Variants in FAM227B observed in about 807,000 individuals in gnomAD.
The protein encoded by FAM227B is protein FAM227B.
A neutral mutation model predicts 73.8 loss-of-function variants in FAM227B; 88 were observed. That is an observed-to-expected ratio of 1.19 (90% CI 1.00 to 1.42). The LOEUF is 1.42. Among genes scored for constraint, FAM227B ranks in the 40% most tolerant of loss-of-function variants. FAM227B has a pLI of 0.00. For missense variants in FAM227B, 632 were observed against 590.9 expected (o/e 1.07, Z -0.72); for synonymous variants, 210 against 190.5 (o/e 1.10, Z -0.84).
chr15:49,573,945 A>T (rs2075285055), intron 8 of FAM227B, among the ~76,000 whole-genome samples: 1 of 152,124 alleles, frequency 6.6e-6, no homozygotes, highest in Non-Finnish European at 1.5e-5. Context: ...TGTGTTTTGA[A>T]GCATTTTTAT....
At chr15:49,330,186 A>G (rs1205972316) in intron 15 of FAM227B, 2 of 152,262 alleles carry the variant, frequency 1.3e-5, no homozygotes, top group Admixed American at 1.3e-4. Flanking sequence ...GCCTATGGGT[A>G]TAGGCAAACA....
chr15:49,560,275 T>G (rs934597088), intron 9 of FAM227B, among the ~76,000 whole-genome samples: 1 of 151,906 alleles, frequency 6.6e-6, no homozygotes, highest in Admixed American at 6.6e-5. Flanking sequence ...GAAGAAAAAT[T>G]TTCAGAGCTT....
At chr15:49,463,015 A>C (rs1374568334) in intron 11 of FAM227B, among the ~76,000 whole-genome samples, 1 of 152,200 alleles carries the variant, frequency 6.6e-6, no homozygotes, top group East Asian at 1.9e-4. Flanking sequence ...TTTGTGTCTT[A>C]AATCACTCAA....
chr15:49,435,432 G>C (rs77313521), intron 11 of FAM227B, among the ~76,000 whole-genome samples: 3,512 of 151,720 alleles, frequency 0.023, 88 homozygotes, highest in South Asian at 0.13. Context: ...ACACTCAGTA[G>C]TCAAGCAGCT....
chr15:49,604,884 TTC>T (rs1282075912), intron 3 of FAM227B, among the ~76,000 whole-genome samples: 4 of 152,054 alleles, frequency 2.6e-5, no homozygotes, highest in Non-Finnish European at 5.9e-5. Context: ...CTCCCAGAAT[TTC>T]TGTGTGTGGA....
intron 9 of FAM227B, among the ~76,000 whole-genome samples, chr15:49,550,233 C>A (rs1375956695): frequency 7.1e-6 from 1 of 141,732 alleles, no homozygotes; most frequent in African/African-American, 2.6e-5. Context: ...CCCTCCCTGA[C>A]GGGGCGGCTG....
intron 13 of FAM227B, among the ~76,000 whole-genome samples, chr15:49,355,066 C>T (rs1234809465): frequency 6.6e-6 from 1 of 150,600 alleles, no homozygotes. Context: ...ACAGAAAGGA[C>T]ATCCACACCA....
chr15:49,619,085 AG>A (rs1478488804), intron 1 of FAM227B, among the ~76,000 whole-genome samples: 1 of 152,216 alleles, frequency 6.6e-6, no homozygotes, highest in East Asian at 1.9e-4. Flanking sequence ...AGAAGGCAGC[AG>A]AACCATTAAA....
At chr15:49,577,496 T>G in intron 6 of FAM227B, 133 bp downstream of exon 6, 1 of 556,952 alleles carries the variant, frequency 1.8e-6, no homozygotes, top group Non-Finnish European at 3.2e-6. Context: ...AGAAAGCTTC[T>G]ATACCTGTTT....
At chr15:49,597,256 A>G (rs1047077031) in intron 3 of FAM227B, among the ~76,000 whole-genome samples, 2 of 152,068 alleles carry the variant, frequency 1.3e-5, no homozygotes, top group Non-Finnish European at 2.9e-5. Context: ...AAGAAAATCA[A>G]AATTACATAA....
At chr15:49,481,888 T>G (rs889518785) in intron 11 of FAM227B, among the ~76,000 whole-genome samples, 1 of 152,114 alleles carries the variant, frequency 6.6e-6, no homozygotes, top group African/African-American at 2.4e-5. Context: ...ATGCAACATA[T>G]ATGTGAGGCA....
chr15:49,608,834 C>A (rs1285223917), intron 3 of FAM227B, among the ~76,000 whole-genome samples: 2 of 151,650 alleles, frequency 1.3e-5, no homozygotes, highest in Non-Finnish European at 2.9e-5. Flanking sequence ...ATAAAAGTTG[C>A]ATGGACACAG....
chr15:49,471,360 G>A (rs2151966124), intron 11 of FAM227B, among the ~76,000 whole-genome samples: 1 of 151,916 alleles, frequency 6.6e-6, no homozygotes, highest in South Asian at 2.1e-4. Flanking sequence ...GGCACAACCT[G>A]TAATTACAGC....
At chr15:49,528,680 C>G (rs1171799171) in intron 10 of FAM227B, among the ~76,000 whole-genome samples, 3 of 151,806 alleles carry the variant, frequency 2.0e-5, no homozygotes, top group African/African-American at 4.8e-5. Context: ...TATGAACAGA[C>G]ATTTCTCAAA....
At position 49,588,013 on chromosome 15, in the gene FAM227B, T is replaced by C. The variant is rs201938075; in HGVS notation, c.405+3A>G. On this transcript the variant is annotated splice_donor_region_variant and intron_variant, in intron 5 of 15. Transcript: ENST00000299338. ...AAGGATGATAAAAACATAGATACCA[T>C]ACCATTATCTTTTTTTTCTTATGGT... The C allele has an allele frequency of 8.0e-5, 116 of 1,449,456 alleles. No homozygotes were observed. The East Asian group carries it at 2.8e-3, about 35-fold the overall frequency. 89.8% of individuals were successfully genotyped at this position (1,449,456 alleles called of 1,614,324 possible).
chr15:49,612,338 C>A (rs370537632), intron 2 of FAM227B, among the ~76,000 whole-genome samples: 18 of 152,050 alleles, frequency 1.2e-4, no homozygotes, highest in African/African-American at 3.4e-4. Flanking sequence ...TGAGAACATG[C>A]GGTGTTTGTT....
chr15:49,345,752 T>C (rs1254581217), intron 13 of FAM227B, among the ~76,000 whole-genome samples: 1 of 152,200 alleles, frequency 6.6e-6, no homozygotes, highest in African/African-American at 2.4e-5. Flanking sequence ...TAAGACCTTC[T>C]CAACTCAGGA....
chr15:49,425,751 A>C (rs1283005671), intron 11 of FAM227B, among the ~76,000 whole-genome samples: 1 of 151,842 alleles, frequency 6.6e-6, no homozygotes, highest in Non-Finnish European at 1.5e-5. Flanking sequence ...CTTTTTAACC[A>C]TAATTGATAT....
intron 8 of FAM227B, among the ~76,000 whole-genome samples, chr15:49,571,672 T>C (rs1013524559): frequency 1.3e-5 from 2 of 151,954 alleles, no homozygotes; most frequent in South Asian, 4.1e-4. Flanking sequence ...GTAGATTCAT[T>C]TGGGGGCTCT....
Sources: gnomAD v4.1 joint callset for allele counts (sites outside exome capture counted in the v4.1 genomes callset) on GRCh38, gnomAD v4.1.1 for gene constraint, MANE v1.5 for transcripts, NCBI Gene and HGNC (gene_info 2026-07-23, HGNC 2026-07-21) for gene names.